Variants in CHMP3 observed in about 807,000 individuals in gnomAD.
The protein encoded by CHMP3 is 25.1 protein.
A neutral mutation model predicts 27.4 loss-of-function variants in CHMP3; 8 were observed. The ratio of observed to expected loss-of-function variants is 0.29; its 90% CI spans 0.17 to 0.53. CHMP3 has a LOEUF of 0.53. CHMP3 is among the 20% of genes least tolerant of loss of function. The pLI, the probability that CHMP3 is intolerant of heterozygous loss-of-function variation, is 0.96. For missense variants in CHMP3, 208 were observed against 271.5 expected (o/e 0.77, Z 1.64); for synonymous variants, 86 against 85.5 (o/e 1.01, Z -0.03).
intron 1 of CHMP3, among the ~76,000 whole-genome samples, chr2:86,548,186 T>C (rs1676690498): frequency 1.3e-5 from 2 of 151,308 alleles, no homozygotes; most frequent in Non-Finnish European, 3.0e-5. Context: ...TCTCTTTTTT[T>C]TTTTTTTTTT....
At chr2:86,543,265 T>A (rs1676432657) in intron 1 of CHMP3, among the ~76,000 whole-genome samples, 1 of 152,362 alleles carries the variant, frequency 6.6e-6, no homozygotes, top group South Asian at 2.1e-4. Flanking sequence ...ATTTCATTTT[T>A]AATGTTTAAT....
intron 2 of CHMP3, among the ~76,000 whole-genome samples, chr2:86,537,082 C>A (rs566738499): frequency 6.6e-6 from 1 of 152,228 alleles, no homozygotes; most frequent in Non-Finnish European, 1.5e-5. Context: ...CCAGGCTGGT[C>A]TCAAACTCCT....
At chr2:86,536,027 G>T (rs1345624379) in intron 2 of CHMP3, among the ~76,000 whole-genome samples, 1 of 112,672 alleles carries the variant, frequency 8.9e-6, no homozygotes, top group Non-Finnish European at 1.7e-5. Context: ...ACGGAGTCTC[G>T]CTCTGTCGCC....
At chr2:86,522,671 T>G (rs888480401) in intron 3 of CHMP3, among the ~76,000 whole-genome samples, 3 of 152,172 alleles carry the variant, frequency 2.0e-5, no homozygotes, top group African/African-American at 7.2e-5. Flanking sequence ...TTCTGTCTTC[T>G]ACTCCATTCT....
In CHMP3 at chr2:86,505,852, TTCCTCC is replaced by T. The variant is rs751377387; in HGVS notation, c.615_620del (p.Glu207_Glu208del). 11 of 1,603,444 alleles carry T rather than the reference TTCCTCC, an allele frequency of 6.9e-6. No individual in the cohort carries two copies. The highest frequency in any genetic ancestry group is 9.4e-6 in the Non-Finnish European group (11 of 1,174,770). ...GGGACTGCATGGCCTCCAGAGCCTC[TTCCTCC>T]TCCTCCTCATCCTCTGAGGCAGCCA... is the stretch of plus-strand genomic sequence containing the variant. On this transcript the variant is annotated inframe_deletion, in exon 6 of 6. Transcript: ENST00000263856.
intron 3 of CHMP3, among the ~76,000 whole-genome samples, chr2:86,514,342 T>C (rs972688402): frequency 6.6e-6 from 1 of 152,230 alleles, no homozygotes; most frequent in Non-Finnish European, 1.5e-5. Flanking sequence ...AAAAATATCA[T>C]CCATTATATT....
chr2:86,557,017 C>A (rs762815167), intron 1 of CHMP3, among the ~76,000 whole-genome samples: 1 of 152,186 alleles, frequency 6.6e-6, no homozygotes, highest in Non-Finnish European at 1.5e-5. Context: ...AAACATAATC[C>A]TTGCTCTTAA....
At chr2:86,519,684 G>A (rs1301567448) in intron 3 of CHMP3, among the ~76,000 whole-genome samples, 2 of 152,120 alleles carry the variant, frequency 1.3e-5, no homozygotes, top group Non-Finnish European at 2.9e-5. Flanking sequence ...TTGTGAGGAA[G>A]GCAGATGATT....
At chr2:86,553,312 A>AT (rs1458701554) in intron 1 of CHMP3, among the ~76,000 whole-genome samples, 3 of 152,076 alleles carry the variant, frequency 2.0e-5, no homozygotes, top group Admixed American at 1.3e-4. Context: ...TTACAATGCT[A>AT]TAAGTAGAAA....
Position 86,545,400 on chromosome 2 carries a change from G to A in CHMP3, c.46-3088C>T, listed in dbSNP as rs566740545. On this transcript the variant is annotated intron_variant, in intron 1 of 5. Transcript: ENST00000263856. ...CCGGACGGGGTGGCCGGGCAGAGGC[G>A]CTCCCCACTTCCCAGACGGGGTGGC... Among the ~76,000 whole-genome samples, 282 of 132,478 alleles carry A rather than the reference G, an allele frequency of 2.1e-3. 5 individuals carry two copies. Among genetic ancestry groups the A allele is most frequent in the African/African-American group, 7.5e-3 (254 of 33,844 alleles). The allele number at this position is 132,478 out of a possible 152,430, so 86.9% of individuals were successfully genotyped here.
intron 2 of CHMP3, among the ~76,000 whole-genome samples, chr2:86,540,113 A>C (rs1273406042): frequency 1.3e-5 from 2 of 151,922 alleles, no homozygotes; most frequent in Admixed American, 1.3e-4. Flanking sequence ...TTGGGGGGTT[A>C]TCTTTTCGGT....
chr2:86,522,857 G>A (rs760696790), intron 3 of CHMP3, among the ~76,000 whole-genome samples: 6 of 152,064 alleles, frequency 3.9e-5, no homozygotes, highest in Non-Finnish European at 8.8e-5. Flanking sequence ...TCAGAACTCT[G>A]ACTCCAACTT....
At position 86,563,388 on chromosome 2, in the gene CHMP3, C is replaced by A. The variant is rs1158819412; in HGVS notation, c.-40G>T. The A allele has an allele frequency of 1.9e-6, 3 of 1,605,346 alleles. No homozygotes were observed. Among genetic ancestry groups the A allele is most frequent in the Non-Finnish European group, 2.5e-6 (3 of 1,176,628 alleles). ...GTCTTGCCCCTTCCGGCTTTCAGTT[C>A]CCCGCGCCCAGGCAGGTCACGGGCA... On this transcript the variant is annotated 5_prime_UTR_variant, in exon 1 of 6. Coordinates refer to ENST00000263856, the MANE Select transcript of CHMP3 (RefSeq NM_016079.4).
intron 4 of CHMP3, among the ~76,000 whole-genome samples, chr2:86,507,890 A>T (rs1674946844): frequency 6.6e-6 from 1 of 152,238 alleles, no homozygotes; most frequent in Admixed American, 6.5e-5. Context: ...CCTGAGAAAC[A>T]GCTCACTGAC....
rs1200935857 is a variant in CHMP3 at position 86,503,771 on chromosome 2, T to G, written c.*2033A>C. On this transcript the variant is annotated 3_prime_UTR_variant, in exon 6 of 6. Transcript: ENST00000263856. ...AACTATGGCGACAGTAAAAAGTGGT[T>G]GCCAAAGAAAGATCATGTCCTTTGC... 1 of 152,250 alleles carries G rather than the reference T, an allele frequency of 6.6e-6. No homozygotes were observed. The highest frequency in any genetic ancestry group is 1.5e-5 in the Non-Finnish European group (1 of 68,046). 9.4% of individuals were successfully genotyped at this position (152,250 alleles called of 1,614,324 possible).
At chr2:86,535,565 A>AC (rs1676093347) in intron 2 of CHMP3, among the ~76,000 whole-genome samples, 1 of 152,034 alleles carries the variant, frequency 6.6e-6, no homozygotes, top group Non-Finnish European at 1.5e-5. Flanking sequence ...GTGCAGTGGC[A>AC]TCATGATCTC....
intron 1 of CHMP3, chr2:86,562,914 G>A (rs772376851): frequency 1.4e-4 from 25 of 177,418 alleles, no homozygotes; most frequent in Non-Finnish European, 2.2e-4. Context: ...GCTTCGGGCA[G>A]GAGAAGGTTC....
chr2:86,543,019 A>C (rs1676424525), intron 1 of CHMP3, among the ~76,000 whole-genome samples: 1 of 152,234 alleles, frequency 6.6e-6, no homozygotes, highest in Non-Finnish European at 1.5e-5. Flanking sequence ...TGTGCTTTTT[A>C]GTACATGACT....
At chr2:86,551,874 G>A (rs1676919319) in intron 1 of CHMP3, among the ~76,000 whole-genome samples, 1 of 152,160 alleles carries the variant, frequency 6.6e-6, no homozygotes, top group Non-Finnish European at 1.5e-5. Context: ...ATGTTTCCCA[G>A]TTCTGTTCCA....
Sources: allele counts gnomAD v4.1 joint callset (sites outside exome capture counted in the v4.1 genomes callset), GRCh38; gene constraint gnomAD v4.1.1; transcripts MANE v1.5; gene names NCBI Gene and HGNC (gene_info 2026-07-23, HGNC 2026-07-21).